Variants in PXDNL observed in about 807,000 individuals in gnomAD.
PXDNL encodes peroxidasin like.
PXDNL carries 145 observed loss-of-function variants against 150.8 expected under a neutral mutation model. The observed-to-expected ratio is 0.96, with a 90% CI of 0.84 to 1.10. The LOEUF (loss-of-function observed/expected upper bound fraction) is 1.10, where lower values mean the gene tolerates loss of function less well. Among genes scored for constraint, PXDNL ranks in the 50% least tolerant of loss-of-function variants. The pLI is 0.00. For synonymous variants in PXDNL, 757 were observed against 725.7 expected (o/e 1.04, Z -0.69); for missense variants, 2,087 against 1,873.9 (o/e 1.11, Z -2.10).
At chr8:51,708,477 C>G (rs997777567) in intron 1 of PXDNL, among the ~76,000 whole-genome samples, 1 of 152,130 alleles carries the variant, frequency 6.6e-6, no homozygotes, top group South Asian at 2.1e-4. Context: ...GTAAAAGAAA[C>G]AGAACCCTTA....
intron 4 of PXDNL, among the ~76,000 whole-genome samples, chr8:51,505,571 T>A (rs985155213): frequency 6.6e-6 from 1 of 152,120 alleles, no homozygotes; most frequent in Non-Finnish European, 1.5e-5. Flanking sequence ...CATGAGATTG[T>A]AAAGAAAAAA....
intron 13 of PXDNL, among the ~76,000 whole-genome samples, chr8:51,424,852 C>T (rs763829648): frequency 3.3e-5 from 5 of 152,128 alleles, no homozygotes; most frequent in African/African-American, 9.7e-5. Context: ...CACAGGTCTT[C>T]GGATTCTCAC....
chr8:51,593,182 T>A (rs560007899), intron 2 of PXDNL, among the ~76,000 whole-genome samples: 3 of 152,250 alleles, frequency 2.0e-5, no homozygotes, highest in Admixed American at 2.0e-4. Context: ...AGTGAGGCTC[T>A]TATTATAGTA....
chr8:51,629,802 A>G (rs1198544104), intron 2 of PXDNL, among the ~76,000 whole-genome samples: 1 of 152,162 alleles, frequency 6.6e-6, no homozygotes, highest in African/African-American at 2.4e-5. Context: ...ACTGTCAACA[A>G]AAGTCTTTTA....
intron 1 of PXDNL, among the ~76,000 whole-genome samples, chr8:51,734,584 T>C (rs1242806888): frequency 6.6e-6 from 1 of 152,174 alleles, no homozygotes; most frequent in African/African-American, 2.4e-5. Flanking sequence ...ACATAGACAA[T>C]AAAAATAGGC....
intron 5 of PXDNL, among the ~76,000 whole-genome samples, chr8:51,487,911 A>G (rs1050871386): frequency 1.7e-4 from 26 of 152,200 alleles, no homozygotes; most frequent in Admixed American, 1.7e-3. Context: ...GAACCATTCT[A>G]GGCATTGTGC....
intron 4 of PXDNL, among the ~76,000 whole-genome samples, chr8:51,501,411 G>T (rs551373150): frequency 4.7e-5 from 7 of 147,712 alleles, no homozygotes; most frequent in Non-Finnish European, 1.0e-4. Flanking sequence ...CACATGCTCA[G>T]ACTCCCTCAT....
At chr8:51,699,000 G>A (rs755758946) in intron 1 of PXDNL, among the ~76,000 whole-genome samples, 22 of 152,196 alleles carry the variant, frequency 1.4e-4, no homozygotes, top group Non-Finnish European at 3.1e-4. Flanking sequence ...GTAAAGAAAT[G>A]TGCTGTCATC....
chr8:51,453,929 A>T, intron 9 of PXDNL, 144 bp from the exon 10 acceptor site: 1 of 746,214 alleles, frequency 1.3e-6, no homozygotes, highest in South Asian at 2.1e-5. Context: ...ATACACATTT[A>T]ATTCCCAGAA....
intron 4 of PXDNL, among the ~76,000 whole-genome samples, chr8:51,547,349 C>T (rs1196371366): frequency 6.6e-6 from 1 of 152,188 alleles, no homozygotes; most frequent in African/African-American, 2.4e-5. Flanking sequence ...TGACTCTGGC[C>T]ATGTGACAGC....
At chr8:51,689,941 A>G (rs1815955642) in intron 1 of PXDNL, among the ~76,000 whole-genome samples, 1 of 152,194 alleles carries the variant, frequency 6.6e-6, no homozygotes, top group Non-Finnish European at 1.5e-5. Context: ...TGCATATTCA[A>G]TTTCCTGCCA....
At chr8:51,794,191 G>T (rs1239621223) in intron 1 of PXDNL, among the ~76,000 whole-genome samples, 2 of 152,116 alleles carry the variant, frequency 1.3e-5, no homozygotes, top group Non-Finnish European at 2.9e-5. Flanking sequence ...ATGACCGATT[G>T]GGGTACTTGA....
chr8:51,660,878 C>T (rs1246351978), intron 1 of PXDNL, among the ~76,000 whole-genome samples: 1 of 152,216 alleles, frequency 6.6e-6, no homozygotes, highest in Non-Finnish European at 1.5e-5. Flanking sequence ...GTAGCCAGGC[C>T]GTCAGTCACT....
chr8:51,343,643 C>T (rs796648655), intron 20 of PXDNL, among the ~76,000 whole-genome samples: 36 of 152,180 alleles, frequency 2.4e-4, no homozygotes, highest in Middle Eastern at 3.4e-3. Flanking sequence ...CTGGGTGTGG[C>T]TGTAGAAAAG....
intron 1 of PXDNL, among the ~76,000 whole-genome samples, chr8:51,747,636 G>A (rs1186555125): frequency 1.3e-5 from 2 of 152,190 alleles, no homozygotes; most frequent in Non-Finnish European, 2.9e-5. Context: ...TAAGGGGACT[G>A]GCAGAGCTAG....
At chr8:51,424,200 A>C (rs1448241781) in intron 13 of PXDNL, among the ~76,000 whole-genome samples, 1 of 150,594 alleles carries the variant, frequency 6.6e-6, no homozygotes, top group Non-Finnish European at 1.5e-5. Flanking sequence ...CCATCCCTAC[A>C]AAAAAAAATA....
At chr8:51,429,605 C>T (rs1364257351) in intron 12 of PXDNL, among the ~76,000 whole-genome samples, 1 of 151,026 alleles carries the variant, frequency 6.6e-6, no homozygotes, top group Non-Finnish European at 1.5e-5. Flanking sequence ...CAAAAGTGCA[C>T]AAGCTAAGTC....
chr8:51,478,844 C>T (rs2130140004), intron 6 of PXDNL, among the ~76,000 whole-genome samples: 1 of 152,296 alleles, frequency 6.6e-6, no homozygotes, highest in East Asian at 1.9e-4. Flanking sequence ...TAAACAGGTG[C>T]CCAGTTTCCA....
At chr8:51,444,484 T>G (rs183487716) in intron 12 of PXDNL, among the ~76,000 whole-genome samples, 92 of 152,254 alleles carry the variant, frequency 6.0e-4, no homozygotes, top group Middle Eastern at 3.4e-3. Flanking sequence ...CAAGAGAACA[T>G]TCCTTAAATA....
Sources: allele counts gnomAD v4.1 joint callset (sites outside exome capture counted in the v4.1 genomes callset), GRCh38; gene constraint gnomAD v4.1.1; transcripts MANE v1.5; gene names NCBI Gene and HGNC (gene_info 2026-07-23, HGNC 2026-07-21).